The following TMEM74 variants were observed in gnomAD, a reference collection of about 807,000 sequenced individuals.
TMEM74 encodes the protein transmembrane protein 74.
Under a neutral mutation model 18.1 loss-of-function variants are expected in TMEM74, and 13 were observed. The ratio of observed to expected loss-of-function variants is 0.72; its 90% CI spans 0.47 to 1.14. TMEM74 has a LOEUF of 1.14. Among genes scored for constraint, TMEM74 ranks in the 50% most tolerant of loss-of-function variants. The pLI, the probability that TMEM74 is intolerant of heterozygous loss-of-function variation, is 0.00. For missense variants in TMEM74, 372 were observed against 375.9 expected, an observed-to-expected ratio of 0.99 and a Z score of 0.09; for synonymous variants, 159 against 146.6, an observed-to-expected ratio of 1.08 and a Z score of -0.61.
At position 108,623,668 on chromosome 8, in the gene TMEM74, G is replaced by C. The variant is rs189964778; in HGVS notation, n.265-14842C>G. Among the ~76,000 whole-genome samples the C allele has an allele frequency of 4.6e-3, 704 of 152,140 alleles. 8 individuals are homozygous for C. Among genetic ancestry groups the C allele is most frequent in the African/African-American group, 0.016 (674 of 41,530 alleles). The stretch of plus-strand genomic sequence containing the variant: ...GCAAGTGCAAATAGAGTTTGAAAAT[G>C]TATTTCTAATTTTCAGGGGAAAGTT... On this transcript the variant is annotated intron_variant and non_coding_transcript_variant, in intron 2 of 3. Transcript: ENST00000518838.
rs1813978142 is a variant in TMEM74, at chr8:108,756,740, GA to G, written n.119+30735del. Among the ~76,000 whole-genome samples the G allele has an allele frequency of 1.5e-3, 124 of 80,208 alleles. 2 individuals are homozygous for G. Among genetic ancestry groups the G allele is most frequent in the African/African-American group, 6.0e-3 (121 of 20,140 alleles). 52.6% of individuals were successfully genotyped at this position (80,208 alleles called of 152,430 possible). On this transcript the variant is annotated intron_variant and non_coding_transcript_variant, in intron 1 of 3. Transcript: ENST00000518838. Reference sequence around the variant, plus strand: ...AGAAAGAGAAAGAAAGAAAGAGAAAGAAAGAAGGGAGGGAGGGAGGGAGGGA... The same window carrying G: ...AGAAAGAGAAAGAAAGAAAGAGAAAGAAGAAGGGAGGGAGGGAGGGAGGGA...
At chr8:108,662,591 T>C (rs1380233590) in intron 1 of TMEM74, among the ~76,000 whole-genome samples, 2 of 152,144 alleles carry the variant, frequency 1.3e-5, no homozygotes, top group Non-Finnish European at 2.9e-5. Context: ...ATTACCATGG[T>C]CAGCCTGGCT....
At chr8:108,721,256 AC>A (rs1813584804) in intron 1 of TMEM74, among the ~76,000 whole-genome samples, 1 of 151,960 alleles carries the variant, frequency 6.6e-6, no homozygotes, top group Non-Finnish European at 1.5e-5. Flanking sequence ...TGCTCCCCAA[AC>A]CCCATCTCTC....
chr8:108,714,642 G>A (rs938060165), intron 1 of TMEM74, among the ~76,000 whole-genome samples: 1 of 152,142 alleles, frequency 6.6e-6, no homozygotes, highest in African/African-American at 2.4e-5. Context: ...AAAGAACTCA[G>A]AACTACCAGT....
At chr8:108,643,454 T>A (rs925924937) in intron 2 of TMEM74, among the ~76,000 whole-genome samples, 2 of 152,164 alleles carry the variant, frequency 1.3e-5, no homozygotes, top group Admixed American at 1.3e-4. Context: ...TAGATATATT[T>A]ATTCCTTCCT....
chr8:108,774,330 T>C (rs80251116), downstream of TMEM74, among the ~76,000 whole-genome samples: 4,349 of 152,262 alleles, frequency 0.029, 212 homozygotes, highest in African/African-American at 0.099. Flanking sequence ...AAATCTCCAA[T>C]GCTGTCCCTT....
intron 1 of TMEM74, among the ~76,000 whole-genome samples, chr8:108,712,722 CGTGT>C (rs148041256): frequency 2.6e-5 from 4 of 151,256 alleles, no homozygotes; most frequent in African/African-American, 9.7e-5. Flanking sequence ...TATGTGTGTG[CGTGT>C]GTGTGTGTGT....
chr8:108,612,752 T>G (rs1812345848), intron 2 of TMEM74, among the ~76,000 whole-genome samples: 1 of 152,148 alleles, frequency 6.6e-6, no homozygotes, highest in East Asian at 1.9e-4. Context: ...AGAAATGTGT[T>G]TTGTGAGGTT....
At chr8:108,750,056 C>T (rs1295352583) in intron 1 of TMEM74, among the ~76,000 whole-genome samples, 1 of 152,120 alleles carries the variant, frequency 6.6e-6, no homozygotes, top group Non-Finnish European at 1.5e-5. Context: ...TCTGTTAACT[C>T]ATGATCCTTT....
At chr8:108,655,753 A>G (rs1812815255) in intron 1 of TMEM74, among the ~76,000 whole-genome samples, 1 of 152,140 alleles carries the variant, frequency 6.6e-6, no homozygotes. Flanking sequence ...GCTGGTTATT[A>G]TAAGTATCAG....
chr8:108,623,406 G>A (rs530276522), intron 2 of TMEM74, among the ~76,000 whole-genome samples: 92 of 152,150 alleles, frequency 6.0e-4, no homozygotes, highest in African/African-American at 2.1e-3. Context: ...TCTTGAAATG[G>A]CTTCTCCCAG....
intron 1 of TMEM74, among the ~76,000 whole-genome samples, chr8:108,756,055 A>T: frequency 6.6e-6 from 1 of 152,176 alleles, no homozygotes; most frequent in Non-Finnish European, 1.5e-5. Context: ...ATAAGAAAAT[A>T]AAGTACAACT....
At chr8:108,674,289 G>A (rs1271156098) in intron 1 of TMEM74, among the ~76,000 whole-genome samples, 1 of 152,144 alleles carries the variant, frequency 6.6e-6, no homozygotes, top group Non-Finnish European at 1.5e-5. Context: ...AAATATTGAT[G>A]TGTTTGTATG....
chr8:108,711,966 G>A (rs1813479980), intron 1 of TMEM74, among the ~76,000 whole-genome samples: 1 of 152,032 alleles, frequency 6.6e-6, no homozygotes, highest in Admixed American at 6.6e-5. Flanking sequence ...TATATCTGGA[G>A]GCAGAGGGAA....
At chr8:108,656,028 G>C (rs1812818126) in intron 1 of TMEM74, among the ~76,000 whole-genome samples, 1 of 152,108 alleles carries the variant, frequency 6.6e-6, no homozygotes, top group African/African-American at 2.4e-5. Flanking sequence ...TCATTTGGTG[G>C]TGCTGATAGG....
At chr8:108,771,899 T>C (rs57573939) in intron 1 of TMEM74, among the ~76,000 whole-genome samples, 6,273 of 152,160 alleles carry the variant, frequency 0.041, 320 homozygotes, top group African/African-American at 0.12. Flanking sequence ...CAGTAAGAAA[T>C]GTATTAACTG....
At chr8:108,655,565 A>G (rs1383113961) in intron 1 of TMEM74, 3 of 152,290 alleles carry the variant, frequency 2.0e-5, no homozygotes, top group African/African-American at 7.2e-5. Flanking sequence ...ATGGCAAAAA[A>G]TTTTTAATAT....
intron 2 of TMEM74, among the ~76,000 whole-genome samples, chr8:108,645,926 T>C (rs1379757222): frequency 6.6e-6 from 1 of 152,154 alleles, no homozygotes; most frequent in Non-Finnish European, 1.5e-5. Flanking sequence ...ATGATTTAAA[T>C]AGGTTGAATT....
rs1814329996 is a variant in TMEM74, at chr8:108,783,201, G to T, written c.*980C>A. On this transcript the variant is annotated 3_prime_UTR_variant, in exon 2 of 2. Transcript: ENST00000297459. ...CAAGTGATACAGCCTGCGAGGCACA[G>T]TCCCCAAAAGTCTAGCTGCAATTCT... Among the ~76,000 whole-genome samples the T allele has an allele frequency of 6.6e-6, 1 of 152,142 alleles. No individual in the cohort carries two copies.
Sources: gnomAD v4.1 joint callset for allele counts (sites outside exome capture counted in the v4.1 genomes callset) on GRCh38, gnomAD v4.1.1 for gene constraint, MANE v1.5 for transcripts, NCBI Gene and HGNC (gene_info 2026-07-23, HGNC 2026-07-21) for gene names.